The following POLQ variants were observed in gnomAD, a reference collection of about 807,000 sequenced individuals.
POLQ encodes the protein epididymis secretory sperm binding protein.
A neutral mutation model predicts 259.2 loss-of-function variants in POLQ; 233 were observed. The ratio of observed to expected loss-of-function variants is 0.90; its 90% confidence interval spans 0.81 to 1.00. The LOEUF (loss-of-function observed/expected upper bound fraction) is 1.00, where lower values mean the gene tolerates loss of function less well. Among genes scored for constraint, POLQ ranks in the 50% least tolerant of loss-of-function variants. POLQ has a pLI of 0.00. For synonymous variants in POLQ, 1,025 were observed against 1,048.8 expected (o/e 0.98, Z 0.44); for missense variants, 2,871 against 3,051.6 (o/e 0.94, Z 1.39).
chr3:121,485,249 A>T, intron 16 of POLQ, 65 bp from the exon 17 acceptor site: 3 of 1,093,872 alleles, frequency 2.7e-6, no homozygotes, highest in Non-Finnish European at 3.9e-6. Flanking sequence ...TAAATTGTTA[A>T]AACAATTATA....
chr3:121,457,643 A>G (rs899484378), intron 25 of POLQ, among the ~76,000 whole-genome samples: 3,273 of 152,316 alleles, frequency 0.021, 115 homozygotes, highest in African/African-American at 0.074. Flanking sequence ...AATGCTCATC[A>G]TCACTGGCCA....
chr3:121,545,667 C>T lies in POLQ; in HGVS notation c.163+48G>A, dbSNP rs1466271963. 4.0e-6 allele frequency: 6 copies of T among 1,501,728 alleles called. No individual in the cohort carries two copies. In the Admixed American group the frequency reaches 8.2e-5, roughly 21 times the overall value. The allele number at this position is 1,501,728 out of a possible 1,614,324, so 93.0% of individuals were successfully genotyped here. ...TGAGGACACCTCCCGACCCATGGCC[C>T]GGCGGAGCTGCCCCCGTTGCCCGCG... On this transcript the variant is annotated intron_variant, in intron 1 of 29. Coordinates refer to ENST00000264233, the MANE Select transcript of POLQ (RefSeq NM_199420.4).
In POLQ at chr3:121,545,960, C is replaced by CG; in HGVS notation, c.-84dup. On this transcript the variant is annotated 5_prime_UTR_variant, in exon 1 of 30. It removes the in-frame stop codon of an upstream open reading frame in the 5' UTR. Coordinates refer to ENST00000264233, the MANE Select transcript of POLQ (RefSeq NM_199420.4). ...GAGAACCCTGGCCTGGCAACAGCTG[C>CG]GGACATCTTCCCGCCAGTCTTCAAA... is the stretch of plus-strand genomic sequence containing the variant. 6.8e-7 allele frequency: 1 copy of CG among 1,477,066 alleles called. No individual in the cohort carries two copies. 91.5% of individuals were successfully genotyped at this position (1,477,066 alleles called of 1,614,324 possible). A position where few individuals can be genotyped will look rare whatever the true frequency, so the allele number is the denominator to read the frequency against.
intron 24 of POLQ, 98 bp downstream of exon 24, chr3:121,467,421 A>G: frequency 8.5e-7 from 1 of 1,177,282 alleles, no homozygotes; most frequent in Middle Eastern, 2.0e-4. Flanking sequence ...GGAGGGACCA[A>G]TGCATGCTCT....
At position 121,489,113 on chromosome 3, in the gene POLQ, C is replaced by T. The variant is rs2048040682; in HGVS notation, c.3818G>A (p.Gly1273Glu). 1.1e-5 allele frequency: 18 copies of T among 1,613,768 alleles called. No individual in the cohort carries two copies. The highest frequency in any genetic ancestry group is 1.4e-5 in the Non-Finnish European group (17 of 1,179,748). ...CTGGCCTTCTGATTTGCTAAATGCT[C>T]CAGCTGATGGAAGTACTTCACTGGG... ...VIPSEVLPSA[G>E]AFSKSEGQHE... The change falls in exon 16 of 30, where the codon GGA (glycine) becomes GAA (glutamate). Residue 1273 changes from glycine (G) to glutamate (E), a missense_variant. Transcript: ENST00000264233.
chr3:121,462,264 GAAAAA>G (rs201291140), intron 24 of POLQ, among the ~76,000 whole-genome samples: 4 of 148,114 alleles, frequency 2.7e-5, no homozygotes, highest in Middle Eastern at 3.2e-3. Flanking sequence ...AATTATATGG[GAAAAA>G]AAAAATGGTT....
In POLQ at chr3:121,490,064, A is replaced by C. The variant is rs2048053717; in HGVS notation, c.2867T>G (p.Val956Gly). 8 of 1,578,810 alleles carry C rather than the reference A, an allele frequency of 5.1e-6. No individual in the cohort carries two copies. The highest frequency in any genetic ancestry group is 6.9e-6 in the Non-Finnish European group (8 of 1,164,888). ...DSYIKHSPNI[V>G]QDLNKSREHT... is the part of the protein sequence containing the mutation. ...CTCTCTACTTTTATTTAAGTCTTGC[A>C]CTATATTTGGTGAATGCTTAATATA... Residue 956 changes from valine (V) to glycine (G), a missense_variant, in exon 16 of 30, where the codon GTG becomes GGG. Val to Gly is a moderately radical substitution (Grantham distance 109, BLOSUM62 -3). This residue lies in a region of POLQ where 2,080 missense variants were observed against 2,126.0 expected (regional missense o/e 0.98). Transcript: ENST00000264233.
intron 25 of POLQ, among the ~76,000 whole-genome samples, chr3:121,457,680 A>ATG (rs1238150720): frequency 1.3e-5 from 2 of 152,210 alleles, no homozygotes; most frequent in African/African-American, 4.8e-5. Context: ...CAAAACCACA[A>ATG]TGAGATACCA....
chr3:121,490,295 A>C lies in POLQ; in HGVS notation c.2636T>G (p.Ile879Arg). Residue 879 changes from isoleucine to arginine, a missense_variant, in exon 16 of 30, where the codon ATA becomes AGA. Physicochemically the swap from Ile to Arg is moderately conservative, Grantham distance 97 (BLOSUM62 -3). Transcript: ENST00000264233. ...GLTEREAAAL[I>R]VEEARMILQQ... is the part of the protein sequence containing the mutation. ...CAGAATCATTCTGGCTTCTTCCACT[A>C]TAAGGGCTGCTGCTTCCCTTTCAGT... is the stretch of plus-strand genomic sequence containing the variant. 6.2e-7 allele frequency: 1 copy of C among 1,614,204 alleles called. No homozygotes were observed. The highest frequency in any genetic ancestry group is 8.5e-7 in the Non-Finnish European group (1 of 1,180,008).
At chr3:121,480,339 T>C (rs1158442214) in intron 19 of POLQ, among the ~76,000 whole-genome samples, 7 of 152,200 alleles carry the variant, frequency 4.6e-5, no homozygotes, top group Non-Finnish European at 8.8e-5. Context: ...TCTATATCTC[T>C]TTCTACAAAG....
chr3:121,508,016 A>ATTTTTT lies in POLQ; in HGVS notation c.1959+1539_1959+1544dup, dbSNP rs4048669. On this transcript the variant is annotated intron_variant, in intron 12 of 29. Transcript: ENST00000264233. The stretch of plus-strand genomic sequence containing the variant: ...TTACCGGCATGCACCACCATACACA[A>ATTTTTT]TTTTTTTTTTTTTTTTTTTGTTTGG... Among the ~76,000 whole-genome samples the ATTTTTT allele has an allele frequency of 3.2e-4, 42 of 129,584 alleles. 1 individual carries two copies. The highest frequency in any genetic ancestry group is 8.1e-3 in the Middle Eastern group (2 of 248). 85.0% of individuals were successfully genotyped at this position (129,584 alleles called of 152,430 possible).
chr3:121,519,651 G>C, intron 9 of POLQ, among the ~76,000 whole-genome samples: 1 of 147,720 alleles, frequency 6.8e-6, no homozygotes. Context: ...ACTGCAGCCT[G>C]GGCGACAGAG....
chr3:121,461,059 A>T (rs2047787504), intron 24 of POLQ, among the ~76,000 whole-genome samples: 1 of 152,236 alleles, frequency 6.6e-6, no homozygotes, highest in South Asian at 2.1e-4. Context: ...CAGCTTCATA[A>T]GAGAAATAAA....
chr3:121,504,948 A>G (rs978448761), intron 12 of POLQ, among the ~76,000 whole-genome samples: 2 of 152,154 alleles, frequency 1.3e-5, no homozygotes, highest in African/African-American at 2.4e-5. Flanking sequence ...TAGGGGCCCA[A>G]GTGTAGATTT....
At chr3:121,527,222 G>A (rs1330181396) in intron 7 of POLQ, among the ~76,000 whole-genome samples, 1 of 152,016 alleles carries the variant, frequency 6.6e-6, no homozygotes, top group Non-Finnish European at 1.5e-5. Flanking sequence ...CACCACGCCT[G>A]GCTAATTTTT....
intron 12 of POLQ, among the ~76,000 whole-genome samples, chr3:121,507,579 T>C (rs2048219056): frequency 6.6e-6 from 1 of 151,950 alleles, no homozygotes; most frequent in South Asian, 2.1e-4. Context: ...ATACAAAAAT[T>C]AGCCAGGTGT....
At position 121,511,966 on chromosome 3, in the gene POLQ, G is replaced by A. The variant is rs901196543; in HGVS notation, c.1532C>T (p.Ser511Phe). Residue 511 changes from serine to phenylalanine, a missense_variant, in exon 10 of 30, where the codon TCT becomes TTT. This residue lies in a region of POLQ where 783 missense variants were observed against 906.2 expected (regional missense o/e 0.86). Coordinates refer to ENST00000264233, the MANE Select transcript of POLQ (RefSeq NM_199420.4). ...CAGACAGCTGCGAACAGGCTTTAGA[G>A]AACCCTGAAGGAGAGCTATGCCTTT... ...KSKGIALLQG[S>F]LKPVRSCLQR... 8 of 1,612,900 alleles carry A rather than the reference G, an allele frequency of 5.0e-6. No individual in the cohort carries two copies. The highest frequency in any genetic ancestry group is 1.3e-5 in the African/African-American group (1 of 74,908).
intron 18 of POLQ, among the ~76,000 whole-genome samples, chr3:121,482,356 T>C (rs940682696): frequency 3.3e-4 from 50 of 151,972 alleles, no homozygotes; most frequent in African/African-American, 1.1e-3. Context: ...CTGTCTCTAC[T>C]AAATATACAA....
chr3:121,487,280 A>G (rs1174551175), intron 16 of POLQ, 22 bp downstream of exon 16: 28 of 1,381,184 alleles, frequency 2.0e-5, no homozygotes, highest in Admixed American at 9.2e-5. Context: ...ATATGAAAAA[A>G]TAAAATTAAA....
Sources: gnomAD v4.1 joint callset for allele counts (sites outside exome capture counted in the v4.1 genomes callset) on GRCh38, gnomAD v4.1.1 for gene constraint, gnomAD v4.1.1 regional missense constraint, MANE v1.5 for transcripts, NCBI Gene and HGNC (gene_info 2026-07-23, HGNC 2026-07-21) for gene names.